The following CCDC148 variants were observed in gnomAD, a reference collection of about 807,000 sequenced individuals.
CCDC148 encodes coiled-coil domain containing 148.
A neutral mutation model predicts 85.7 loss-of-function variants in CCDC148; 89 were observed. The ratio of observed to expected loss-of-function variants is 1.04; its 90% confidence interval spans 0.87 to 1.24. The LOEUF is 1.24. Among genes scored for constraint, CCDC148 ranks in the 50% most tolerant of loss-of-function variants. CCDC148 has a pLI of 0.00. For missense variants in CCDC148, 692 were observed against 671.7 expected, an observed-to-expected ratio of 1.03 and a Z score of -0.33; for synonymous variants, 230 against 213.9, an observed-to-expected ratio of 1.08 and a Z score of -0.66.
chr2:158,441,182 A>G (rs1381476291), intron 1 of CCDC148, among the ~76,000 whole-genome samples: 2 of 152,210 alleles, frequency 1.3e-5, no homozygotes, highest in Non-Finnish European at 2.9e-5. Context: ...CTGCACTACT[A>G]TTATAATACT....
At chr2:158,319,774 GAA>G (rs1692440807) in intron 7 of CCDC148, among the ~76,000 whole-genome samples, 2 of 152,164 alleles carry the variant, frequency 1.3e-5, no homozygotes, top group African/African-American at 4.8e-5. Flanking sequence ...ATGTAGAGAT[GAA>G]AGAGATATAG....
intron 11 of CCDC148, 54 bp downstream of exon 11, chr2:158,220,541 C>G: frequency 8.3e-7 from 1 of 1,212,106 alleles, no homozygotes; most frequent in Non-Finnish European, 1.2e-6. Flanking sequence ...TAACACTTTA[C>G]AAAAGACTCC....
intron 13 of CCDC148, 31 bp downstream of exon 13, chr2:158,176,490 T>C (rs1684593100): frequency 6.2e-7 from 1 of 1,604,268 alleles, no homozygotes; most frequent in Non-Finnish European, 8.5e-7. Flanking sequence ...ATCATGGCTT[T>C]TTCATCAGTC....
chr2:158,248,567 T>G lies in CCDC148; in HGVS notation c.1251+2205A>C, dbSNP rs115787148. On this transcript the variant is annotated intron_variant, in intron 10 of 13. Transcript: ENST00000283233. ...TATATAAATAGGACAACAAATTTGATAGGGCACTTCTTATAGTATGTTTTA... is the reference window on the plus strand; with the variant it reads ...TATATAAATAGGACAACAAATTTGAGAGGGCACTTCTTATAGTATGTTTTA... Among the ~76,000 whole-genome samples, 402 of 152,270 alleles carry G rather than the reference T, an allele frequency of 2.6e-3. 1 individual carries two copies. Among genetic ancestry groups the G allele is most frequent in the African/African-American group, 9.1e-3 (378 of 41,568 alleles).
intron 10 of CCDC148, among the ~76,000 whole-genome samples, chr2:158,228,996 A>AG (rs1687714694): frequency 6.6e-6 from 1 of 151,230 alleles, no homozygotes; most frequent in African/African-American, 2.4e-5. Context: ...AAAGAAAAAA[A>AG]AAGAATTCAG....
intron 1 of CCDC148, among the ~76,000 whole-genome samples, chr2:158,430,993 T>C (rs2105332289): frequency 6.6e-6 from 1 of 151,124 alleles, no homozygotes; most frequent in East Asian, 2.0e-4. Context: ...AAGAAAAAAA[T>C]CAATGAACTT....
At chr2:158,263,998 T>C (rs950558562) in intron 9 of CCDC148, among the ~76,000 whole-genome samples, 3 of 151,888 alleles carry the variant, frequency 2.0e-5, no homozygotes, top group African/African-American at 7.2e-5. Context: ...AGGTCTGATA[T>C]TTCCTTTAGA....
intron 2 of CCDC148, among the ~76,000 whole-genome samples, chr2:158,350,536 T>C (rs1205033322): frequency 1.3e-5 from 2 of 152,202 alleles, no homozygotes; most frequent in African/African-American, 4.8e-5. Context: ...CTCACACTTT[T>C]GGTCCAGATG....
intron 1 of CCDC148, among the ~76,000 whole-genome samples, chr2:158,423,618 A>G (rs914715489): frequency 6.6e-6 from 1 of 152,216 alleles, no homozygotes; most frequent in Non-Finnish European, 1.5e-5. Context: ...AAACCTTAGA[A>G]AAAAACCTAG....
chr2:158,258,722 C>A (rs1390373933), intron 9 of CCDC148, among the ~76,000 whole-genome samples: 1 of 151,832 alleles, frequency 6.6e-6, no homozygotes, highest in Non-Finnish European at 1.5e-5. Context: ...ATAACCACCA[C>A]CCTAATTCCA....
chr2:158,284,689 T>C (rs950732582), intron 9 of CCDC148, among the ~76,000 whole-genome samples: 4 of 152,210 alleles, frequency 2.6e-5, no homozygotes, highest in African/African-American at 9.6e-5. Context: ...AGCATGTTCA[T>C]TGGAAGAGGC....
intron 7 of CCDC148, among the ~76,000 whole-genome samples, chr2:158,325,757 C>G (rs1222690126): frequency 6.6e-6 from 1 of 152,170 alleles, no homozygotes; most frequent in East Asian, 1.9e-4. Flanking sequence ...CTCCATCCTT[C>G]TAGTTGCTCA....
intron 2 of CCDC148, among the ~76,000 whole-genome samples, chr2:158,350,118 A>G (rs889968538): frequency 3.3e-5 from 5 of 152,188 alleles, no homozygotes; most frequent in African/African-American, 1.2e-4. Context: ...CATCTGTTTA[A>G]CCGCACAAAT....
chr2:158,341,233 T>C (rs1486322319), intron 3 of CCDC148, among the ~76,000 whole-genome samples: 7 of 152,048 alleles, frequency 4.6e-5, no homozygotes, highest in African/African-American at 1.7e-4. Flanking sequence ...TGTATACATA[T>C]ATATGTGTAT....
chr2:158,206,467 G>C (rs1228313352), intron 11 of CCDC148, among the ~76,000 whole-genome samples: 1 of 152,214 alleles, frequency 6.6e-6, no homozygotes, highest in African/African-American at 2.4e-5. Flanking sequence ...GGTCCAGACA[G>C]AAGCAGAGTG....
chr2:158,262,598 G>A (rs1689278874), intron 9 of CCDC148, among the ~76,000 whole-genome samples: 1 of 151,940 alleles, frequency 6.6e-6, no homozygotes, highest in African/African-American at 2.4e-5. Flanking sequence ...GCATGGCTAG[G>A]GAGGCCTCAG....
intron 10 of CCDC148, among the ~76,000 whole-genome samples, chr2:158,237,002 G>A (rs1256213311): frequency 6.6e-6 from 1 of 152,038 alleles, no homozygotes; most frequent in Non-Finnish European, 1.5e-5. Flanking sequence ...ATTTTTGTTG[G>A]GCCATCAAGG....
intron 2 of CCDC148, among the ~76,000 whole-genome samples, chr2:158,352,468 G>C (rs947336117): frequency 6.6e-6 from 1 of 152,166 alleles, no homozygotes; most frequent in Non-Finnish European, 1.5e-5. Flanking sequence ...CTGGAAGAAA[G>C]GGTATCAGCA....
At chr2:158,206,333 C>T (rs1472197239) in intron 11 of CCDC148, among the ~76,000 whole-genome samples, 2 of 152,146 alleles carry the variant, frequency 1.3e-5, no homozygotes, top group African/African-American at 4.8e-5. Flanking sequence ...AGACAGGCAG[C>T]TCCCACTCAG....
Sources: allele counts gnomAD v4.1 joint callset (sites outside exome capture counted in the v4.1 genomes callset), GRCh38; gene constraint gnomAD v4.1.1; transcripts MANE v1.5; gene names NCBI Gene and HGNC (gene_info 2026-07-23, HGNC 2026-07-21).